Variants in PCDH15 observed in about 807,000 individuals in gnomAD.
PCDH15 encodes the protein protocadherin-15.
PCDH15 carries 129 observed loss-of-function variants against 178.5 expected under a neutral mutation model. The observed-to-expected ratio is 0.72, with a 90% confidence interval of 0.63 to 0.84. The LOEUF (loss-of-function observed/expected upper bound fraction) is 0.84. Among genes scored for constraint, PCDH15 ranks in the 40% least tolerant of loss-of-function variants. The pLI is 0.00. For missense variants in PCDH15, 2,230 were observed against 2,099.9 expected (o/e 1.06, Z -1.21); for synonymous variants, 800 against 732.0 (o/e 1.09, Z -1.50).
intron 2 of PCDH15, among the ~76,000 whole-genome samples, chr10:55,155,847 T>G (rs1838871623): frequency 6.6e-6 from 1 of 152,022 alleles, no homozygotes; most frequent in South Asian, 2.1e-4. Flanking sequence ...AAAACCAGCT[T>G]TTGATATATA....
At chr10:54,196,257 C>T (rs2049634147) in intron 10 of PCDH15, among the ~76,000 whole-genome samples, 1 of 152,152 alleles carries the variant, frequency 6.6e-6, no homozygotes, top group South Asian at 2.1e-4. Context: ...ATTCTCCTGC[C>T]TCAGCCTCCC....
intron 1 of PCDH15, among the ~76,000 whole-genome samples, chr10:54,707,006 A>T (rs2095371664): frequency 6.6e-6 from 1 of 152,222 alleles, no homozygotes; most frequent in Non-Finnish European, 1.5e-5. Context: ...TGTTATACAG[A>T]CCTACTTCTC....
At position 54,357,898 on chromosome 10, in the gene PCDH15, A is replaced by C. The variant is rs530482120; in HGVS notation, c.474+11222T>G. ...ATCTGATCTTTGACAAACCTGACAA[A>C]AACAAGAAATGGGGAAAGGATTCCC... On this transcript the variant is annotated intron_variant, in intron 5 of 37. Coordinates refer to ENST00000644397, the MANE Select transcript of PCDH15 (RefSeq NM_001384140.1). 6.6e-5 allele frequency among the ~76,000 whole-genome samples: 10 copies of C among 152,238 alleles called. No homozygotes were observed. The South Asian group carries it at 2.1e-3, about 32-fold the overall frequency.
intron 21 of PCDH15, among the ~76,000 whole-genome samples, chr10:53,969,131 A>G (rs983503102): frequency 2.0e-5 from 3 of 152,174 alleles, no homozygotes; most frequent in African/African-American, 4.8e-5. Flanking sequence ...ACAAATGGCT[A>G]ACTAGAATAA....
intron 18 of PCDH15, among the ~76,000 whole-genome samples, chr10:54,065,206 T>C (rs1050747894): frequency 6.6e-6 from 1 of 152,246 alleles, no homozygotes; most frequent in Non-Finnish European, 1.5e-5. Context: ...GTATATGTTT[T>C]CCAGTTCCAT....
intron 2 of PCDH15, among the ~76,000 whole-genome samples, chr10:55,140,119 C>T (rs1838306747): frequency 6.6e-6 from 1 of 151,814 alleles, no homozygotes; most frequent in South Asian, 2.1e-4. Flanking sequence ...TATTTGGTCT[C>T]CTGTGACGTT....
At chr10:54,175,641 A>T (rs1260442885) in intron 13 of PCDH15, among the ~76,000 whole-genome samples, 2 of 152,294 alleles carry the variant, frequency 1.3e-5, no homozygotes, top group South Asian at 2.1e-4. Flanking sequence ...ACAAAAGGTT[A>T]TGTCATGTAA....
intron 15 of PCDH15, among the ~76,000 whole-genome samples, chr10:54,117,619 G>A (rs1475904544): frequency 6.6e-6 from 1 of 152,114 alleles, no homozygotes; most frequent in Non-Finnish European, 1.5e-5. Context: ...GGTGAGCAAG[G>A]CAGAGAGGAG....
At chr10:54,334,714 C>T (rs925560566) in intron 6 of PCDH15, among the ~76,000 whole-genome samples, 2 of 147,174 alleles carry the variant, frequency 1.4e-5, no homozygotes, top group Non-Finnish European at 3.0e-5. Flanking sequence ...CACACACACA[C>T]GTGTATATAT....
At chr10:54,811,179 T>C (rs1447388203) in intron 3 of PCDH15, among the ~76,000 whole-genome samples, 1 of 152,062 alleles carries the variant, frequency 6.6e-6, no homozygotes, top group East Asian at 1.9e-4. Context: ...TGCAATGTCA[T>C]CTTGACAACA....
intron 13 of PCDH15, among the ~76,000 whole-genome samples, chr10:54,180,474 C>T (rs934864087): frequency 6.6e-6 from 1 of 152,172 alleles, no homozygotes; most frequent in Non-Finnish European, 1.5e-5. Flanking sequence ...GTGTCTCTTT[C>T]CTTTAAAGTG....
At chr10:54,680,294 A>G (rs894858460) in intron 1 of PCDH15, among the ~76,000 whole-genome samples, 1 of 152,024 alleles carries the variant, frequency 6.6e-6, no homozygotes, top group Non-Finnish European at 1.5e-5. Flanking sequence ...TTCTAAAATG[A>G]TTTTTTGCAA....
intron 3 of PCDH15, among the ~76,000 whole-genome samples, chr10:54,380,675 C>CATATATATATAT (rs1218220837): frequency 1.0e-4 from 3 of 28,724 alleles, no homozygotes; most frequent in African/African-American, 4.6e-4. Flanking sequence ...ATATATGCTC[C>CATATATATATAT]ATATATATAT....
chr10:54,791,677 ATC>A (rs1446875571), intron 1 of PCDH15, among the ~76,000 whole-genome samples: 1 of 151,658 alleles, frequency 6.6e-6, no homozygotes, highest in Non-Finnish European at 1.5e-5. Flanking sequence ...AAGTCATCCA[ATC>A]TCTCTCTCTA....
At chr10:53,928,487 C>A (rs2084769007) in intron 25 of PCDH15, among the ~76,000 whole-genome samples, 1 of 151,986 alleles carries the variant, frequency 6.6e-6, no homozygotes, top group Non-Finnish European at 1.5e-5. Context: ...CAACCATAAT[C>A]AATAATGAAG....
chr10:54,281,013 A>G (rs1332057430), intron 8 of PCDH15, among the ~76,000 whole-genome samples: 1 of 151,912 alleles, frequency 6.6e-6, no homozygotes, highest in Non-Finnish European at 1.5e-5. Context: ...ATGTATATAT[A>G]CACAGAAATG....
intron 21 of PCDH15, among the ~76,000 whole-genome samples, chr10:53,981,359 T>C (rs893817512): frequency 5.9e-5 from 9 of 152,204 alleles, no homozygotes; most frequent in African/African-American, 1.7e-4. Flanking sequence ...ATGAAGGATG[T>C]TTCAAACTTG....
intron 9 of PCDH15, among the ~76,000 whole-genome samples, chr10:54,224,417 C>T (rs547972633): frequency 5.9e-5 from 9 of 152,184 alleles, no homozygotes; most frequent in African/African-American, 1.7e-4. Context: ...CCTACAGAAT[C>T]CCTTATTTAT....
chr10:54,803,566 T>C (rs1591710092), upstream of PCDH15, among the ~76,000 whole-genome samples: 2 of 152,234 alleles, frequency 1.3e-5, no homozygotes, highest in East Asian at 3.9e-4. Flanking sequence ...CACCATGCTA[T>C]CCACTATTCA....
Sources: allele counts gnomAD v4.1 joint callset (sites outside exome capture counted in the v4.1 genomes callset), GRCh38; gene constraint gnomAD v4.1.1; transcripts MANE v1.5; gene names NCBI Gene and HGNC (gene_info 2026-07-23, HGNC 2026-07-21).